TSPAN18: variants seen among roughly 807,000 people sequenced by gnomAD.
TSPAN18 encodes the protein tetraspanin 18.
A neutral mutation model predicts 27.3 loss-of-function variants in TSPAN18; 14 were observed. That is an observed-to-expected ratio of 0.51 (90% CI 0.34 to 0.80). The LOEUF (loss-of-function observed/expected upper bound fraction) is 0.80. TSPAN18 is among the 30% of genes least tolerant of loss of function. TSPAN18 has a pLI of 0.01. For synonymous variants in TSPAN18, 143 were observed against 136.5 expected (o/e 1.05, Z -0.33); for missense variants, 268 against 323.9 (o/e 0.83, Z 1.32).
intron 5 of TSPAN18, among the ~76,000 whole-genome samples, chr11:44,915,827 G>T (rs1338529332): frequency 1.3e-5 from 2 of 152,172 alleles, no homozygotes; most frequent in Non-Finnish European, 2.9e-5. Context: ...CTTCGAAAAG[G>T]GGAAACTACA....
chr11:44,839,958 C>T (rs1295745493), intron 2 of TSPAN18, among the ~76,000 whole-genome samples: 2 of 152,170 alleles, frequency 1.3e-5, no homozygotes, highest in Non-Finnish European at 2.9e-5. Flanking sequence ...GGTGGCTGTC[C>T]TCAGTCCCTC....
intron 2 of TSPAN18, among the ~76,000 whole-genome samples, chr11:44,793,946 G>A (rs1856288874): frequency 6.6e-6 from 1 of 152,190 alleles, no homozygotes; most frequent in South Asian, 2.1e-4. Flanking sequence ...TAAGCAAGCC[G>A]CCTGTATTTT....
At chr11:44,828,415 G>A (rs567780872) in intron 2 of TSPAN18, among the ~76,000 whole-genome samples, 13 of 152,232 alleles carry the variant, frequency 8.5e-5, no homozygotes, top group African/African-American at 3.1e-4. Flanking sequence ...ATTCTGATTC[G>A]TCTAGAATGG....
Position 44,858,992 on chromosome 11 carries a change from G to A in TSPAN18, c.-152-1336G>A, listed in dbSNP as rs554021240. 9.9e-5 allele frequency among the ~76,000 whole-genome samples: 15 copies of A among 151,642 alleles called. No homozygotes were observed. In the East Asian group the frequency reaches 1.2e-3, roughly 12 times the overall value. On this transcript the variant is annotated intron_variant, in intron 2 of 9. Coordinates refer to ENST00000520358, the MANE Select transcript of TSPAN18 (RefSeq NM_130783.5). The stretch of plus-strand genomic sequence containing the variant: ...CTCCCCCCGCTCCCCAGTTCACACC[G>A]TCTGGTGTGACATTCGTGCTCACCA...
intron 8 of TSPAN18, chr11:44,926,463 G>T: frequency 1.8e-6 from 1 of 567,020 alleles, no homozygotes; most frequent in Non-Finnish European, 3.2e-6. Context: ...TTAGGGGCCG[G>T]GTGGCAAAGA....
intron 2 of TSPAN18, among the ~76,000 whole-genome samples, chr11:44,765,193 T>G (rs1855538641): frequency 6.6e-6 from 1 of 152,148 alleles, no homozygotes; most frequent in Admixed American, 6.5e-5. Context: ...TGGTCCTCAT[T>G]TTCTCATTGT....
intron 3 of TSPAN18, among the ~76,000 whole-genome samples, chr11:44,881,935 TG>T (rs2135260960): frequency 6.6e-6 from 1 of 152,358 alleles, no homozygotes; most frequent in Non-Finnish European, 1.5e-5. Flanking sequence ...TAACATTTGC[TG>T]TTGGAATTAT....
intron 2 of TSPAN18, among the ~76,000 whole-genome samples, chr11:44,815,288 C>T (rs1856798074): frequency 6.6e-6 from 1 of 152,240 alleles, no homozygotes; most frequent in African/African-American, 2.4e-5. Context: ...CCTCATTTCT[C>T]AATCCATCTT....
intron 1 of TSPAN18, among the ~76,000 whole-genome samples, chr11:44,760,831 C>G (rs892321804): frequency 3.9e-5 from 6 of 152,102 alleles, no homozygotes; most frequent in Non-Finnish European, 8.8e-5. Context: ...TCTCTAAAAC[C>G]AGGATGCATT....
chr11:44,826,756 G>GT (rs1857051050), intron 2 of TSPAN18, among the ~76,000 whole-genome samples: 1 of 152,212 alleles, frequency 6.6e-6, no homozygotes, highest in African/African-American at 2.4e-5. Flanking sequence ...GTGTGCCCTT[G>GT]TGGATAGACA....
At chr11:44,927,590 G>C (rs1860413006) in intron 9 of TSPAN18, among the ~76,000 whole-genome samples, 1 of 152,218 alleles carries the variant, frequency 6.6e-6, no homozygotes. Context: ...ATGGCGGAGA[G>C]GGAGGGGTCA....
chr11:44,868,987 AT>A (rs1229923423), intron 3 of TSPAN18, among the ~76,000 whole-genome samples: 2 of 152,212 alleles, frequency 1.3e-5, no homozygotes, highest in African/African-American at 4.8e-5. Flanking sequence ...ATCACTGCTG[AT>A]TTGTGGTGAG....
At chr11:44,885,347 A>T (rs1200538361) in intron 3 of TSPAN18, among the ~76,000 whole-genome samples, 12 of 151,380 alleles carry the variant, frequency 7.9e-5, no homozygotes. Context: ...TGTTACTATT[A>T]TTTTTTTTTC....
rs1278035403 is a variant in TSPAN18 at position 44,932,279 on chromosome 11, C to T, written c.*3101C>T. 2 of 136,754 alleles carry T rather than the reference C, an allele frequency of 1.5e-5. No homozygotes were observed. The highest frequency in any genetic ancestry group is 3.4e-5 in the Non-Finnish European group (2 of 58,240). 8.5% of individuals were successfully genotyped at this position (136,754 alleles called of 1,614,324 possible). ...CAGAGCTAATTTATCACGTTTCTCT[C>T]CTGTGAGACCCCCCTTTTATATGAT... On this transcript the variant is annotated 3_prime_UTR_variant, in exon 10 of 10. Coordinates refer to ENST00000520358, the MANE Select transcript of TSPAN18 (RefSeq NM_130783.5).
rs796756282 is a variant in TSPAN18 at position 44,731,596 on chromosome 11, T to TTG, written c.-240+4346_-240+4347dup. On this transcript the variant is annotated intron_variant, in intron 1 of 9. Coordinates refer to ENST00000520358, the MANE Select transcript of TSPAN18 (RefSeq NM_130783.5). ...CCTTTCTAGTTTTCTGGGGCCTGGA[T>TTG]TGTGTGTGTGTGTGTGTGTGTGTGT... Among the ~76,000 whole-genome samples the TTG allele has an allele frequency of 9.2e-4, 108 of 117,980 alleles. 1 individual carries two copies. The highest frequency in any genetic ancestry group is 2.7e-3 in the African/African-American group (91 of 33,148). The allele number at this position is 117,980 out of a possible 152,430, so 77.4% of individuals were successfully genotyped here. A position where few individuals can be genotyped will look rare whatever the true frequency, so the allele number is the denominator to read the frequency against.
intron 1 of TSPAN18, among the ~76,000 whole-genome samples, chr11:44,739,112 G>A (rs147882113): frequency 2.6e-5 from 4 of 152,230 alleles, no homozygotes; most frequent in South Asian, 2.1e-4. Context: ...CTTTGCTCCC[G>A]TCCAGCCTTG....
chr11:44,815,147 G>C (rs1856794894), intron 2 of TSPAN18, among the ~76,000 whole-genome samples: 1 of 152,218 alleles, frequency 6.6e-6, no homozygotes, highest in Non-Finnish European at 1.5e-5. Context: ...CAGGCAGGCA[G>C]CTAGGCTCCC....
intron 5 of TSPAN18, among the ~76,000 whole-genome samples, 180 bp downstream of exon 5, chr11:44,910,079 A>G (rs1859652574): frequency 6.6e-6 from 1 of 152,194 alleles, no homozygotes; most frequent in Non-Finnish European, 1.5e-5. Context: ...TTGGTAGTCA[A>G]TGGTCCTGAA....
chr11:44,876,478 C>T (rs1858336241), intron 3 of TSPAN18, among the ~76,000 whole-genome samples: 1 of 152,140 alleles, frequency 6.6e-6, no homozygotes, highest in African/African-American at 2.4e-5. Context: ...CAGAAGGGAC[C>T]ACTGCTTAGG....
Sources: gnomAD v4.1 joint callset for allele counts (sites outside exome capture counted in the v4.1 genomes callset) on GRCh38, gnomAD v4.1.1 for gene constraint, MANE v1.5 for transcripts, NCBI Gene and HGNC (gene_info 2026-07-23, HGNC 2026-07-21) for gene names.